Variants in LDLRAD3 observed in about 807,000 individuals in gnomAD.
The protein encoded by LDLRAD3 is low density lipoprotein receptor class A domain containing 3.
Under a neutral mutation model 29.4 loss-of-function variants are expected in LDLRAD3, and 20 were observed. The observed-to-expected ratio is 0.68, with a 90% CI of 0.48 to 0.99. LDLRAD3 has a LOEUF of 0.99. LDLRAD3 is among the 50% of genes least tolerant of loss of function. LDLRAD3 has a pLI of 0.00. For synonymous variants in LDLRAD3, 157 were observed against 192.7 expected (o/e 0.81, Z 1.53); for missense variants, 420 against 454.3 (o/e 0.92, Z 0.69).
intron 4 of LDLRAD3, among the ~76,000 whole-genome samples, chr11:36,174,613 A>C (rs1392492940): frequency 6.6e-6 from 1 of 152,200 alleles, no homozygotes; most frequent in Non-Finnish European, 1.5e-5. Flanking sequence ...CACATGAAAA[A>C]ATGCTTGTCA....
intron 2 of LDLRAD3, among the ~76,000 whole-genome samples, chr11:36,038,244 A>G (rs1852330127): frequency 6.6e-6 from 1 of 152,114 alleles, no homozygotes; most frequent in South Asian, 2.1e-4. Context: ...TGTCTATTTT[A>G]GCTTTTCTCT....
At chr11:36,083,735 TACACACAC>T (rs59333454) in intron 3 of LDLRAD3, among the ~76,000 whole-genome samples, 4,664 of 126,828 alleles carry the variant, frequency 0.037, 106 homozygotes, top group East Asian at 0.12. Context: ...AGGGAGAAAT[TACACACAC>T]ACACACACAC....
chr11:36,203,991 A>AT (rs1412158039), intron 4 of LDLRAD3, among the ~76,000 whole-genome samples: 1 of 141,352 alleles, frequency 7.1e-6, no homozygotes, highest in African/African-American at 2.7e-5. Context: ...TCCAATTCTC[A>AT]TTAAGCACAA....
chr11:36,153,677 C>T (rs1256050579), intron 4 of LDLRAD3, among the ~76,000 whole-genome samples: 3 of 152,130 alleles, frequency 2.0e-5, no homozygotes, highest in Non-Finnish European at 4.4e-5. Flanking sequence ...TGACCCATTT[C>T]CCAAGTGCTC....
intron 4 of LDLRAD3, among the ~76,000 whole-genome samples, chr11:36,188,371 CAAAAAAAA>C (rs57049829): frequency 2.4e-4 from 15 of 62,030 alleles, no homozygotes; most frequent in African/African-American, 6.3e-4. Flanking sequence ...GGAAAACCAG[CAAAAAAAA>C]AAAAAAAAAA....
chr11:36,076,262 ATCCT>A (rs1853000337), intron 2 of LDLRAD3, among the ~76,000 whole-genome samples: 1 of 151,166 alleles, frequency 6.6e-6, no homozygotes, highest in South Asian at 2.1e-4. Context: ...CCATCCATCC[ATCCT>A]GTCTGTCTAA....
intron 1 of LDLRAD3, among the ~76,000 whole-genome samples, chr11:35,999,467 C>G (rs372351733): frequency 5.3e-5 from 8 of 152,288 alleles, no homozygotes; most frequent in African/African-American, 1.9e-4. Flanking sequence ...TCTCCAGAAC[C>G]GAGCCTGCCC....
intron 4 of LDLRAD3, chr11:36,196,552 AGCAGTCT>A (rs1357574389): frequency 1.3e-5 from 2 of 152,240 alleles, no homozygotes; most frequent in Non-Finnish European, 2.9e-5. Context: ...AAATGAATGG[AGCAGTCT>A]GAATTCTTCC....
At chr11:35,976,694 C>G (rs1851480469) in intron 1 of LDLRAD3, among the ~76,000 whole-genome samples, 1 of 151,368 alleles carries the variant, frequency 6.6e-6, no homozygotes. Context: ...CACAAAGTCT[C>G]TTCTCTAGGA....
chr11:36,133,672 C>G (rs1332068427), intron 4 of LDLRAD3, among the ~76,000 whole-genome samples: 1 of 151,078 alleles, frequency 6.6e-6, no homozygotes, highest in Non-Finnish European at 1.5e-5. Flanking sequence ...TAGCTGGGAC[C>G]ACAGGCGCCT....
At chr11:36,064,827 C>G (rs1852765424) in intron 2 of LDLRAD3, among the ~76,000 whole-genome samples, 1 of 152,154 alleles carries the variant, frequency 6.6e-6, no homozygotes, top group Non-Finnish European at 1.5e-5. Context: ...TTGTGAGTTT[C>G]ACAAATTTCC....
At chr11:36,142,594 C>T (rs927561230) in intron 4 of LDLRAD3, among the ~76,000 whole-genome samples, 1 of 152,184 alleles carries the variant, frequency 6.6e-6, no homozygotes, top group African/African-American at 2.4e-5. Flanking sequence ...CCGCCCCCGC[C>T]TCCTGCACTT....
intron 4 of LDLRAD3, among the ~76,000 whole-genome samples, chr11:36,128,009 A>G (rs1407251903): frequency 6.6e-6 from 1 of 151,288 alleles, no homozygotes; most frequent in Non-Finnish European, 1.5e-5. Flanking sequence ...CTCCTGGTGG[A>G]TGTACACCGA....
rs1334123380 is a variant in LDLRAD3 at position 36,231,851 on chromosome 11, T to C, written c.*2454T>C. On this transcript the variant is annotated 3_prime_UTR_variant, in exon 6 of 6. Transcript: ENST00000315571. ...AGCTTTTTTATACATTGCCTAAATC[T>C]ACGCCAACCAGAAAATAGTCTCATC... 7.2e-5 allele frequency: 11 copies of C among 152,210 alleles called. No homozygotes were observed. The highest frequency in any genetic ancestry group is 1.3e-4 in the Non-Finnish European group (9 of 68,036). The allele number at this position is 152,210 out of a possible 1,614,324, so 9.4% of individuals were successfully genotyped here.
At chr11:36,211,748 A>G (rs981846863) in intron 4 of LDLRAD3, among the ~76,000 whole-genome samples, 6 of 152,180 alleles carry the variant, frequency 3.9e-5, no homozygotes, top group African/African-American at 7.2e-5. Flanking sequence ...ATTTGCAACA[A>G]TGGCCTGCCT....
chr11:35,967,082 G>T, intron 1 of LDLRAD3: 1 of 203,962 alleles, frequency 4.9e-6, no homozygotes, highest in Admixed American at 4.8e-5. Context: ...GGCATTTGGT[G>T]TTTTCTGATC....
At chr11:36,000,929 G>A (rs570827094) in intron 1 of LDLRAD3, among the ~76,000 whole-genome samples, 19 of 152,252 alleles carry the variant, frequency 1.2e-4, no homozygotes, top group East Asian at 5.8e-4. Context: ...GCAGAGACAC[G>A]TGGGAAGGAT....
At chr11:35,968,820 T>G (rs903773069) in intron 1 of LDLRAD3, 2 of 152,556 alleles carry the variant, frequency 1.3e-5, no homozygotes, top group Non-Finnish European at 2.9e-5. Context: ...GAGGAGAAAA[T>G]TATTTAACCT....
intron 1 of LDLRAD3, among the ~76,000 whole-genome samples, chr11:35,959,006 C>T (rs1355768999): frequency 6.6e-6 from 1 of 152,210 alleles, no homozygotes; most frequent in African/African-American, 2.4e-5. Flanking sequence ...TCCAGGCTCC[C>T]AGGCCTTGCC....
Sources: gnomAD v4.1 joint callset for allele counts (sites outside exome capture counted in the v4.1 genomes callset) on GRCh38, gnomAD v4.1.1 for gene constraint, MANE v1.5 for transcripts, NCBI Gene and HGNC (gene_info 2026-07-23, HGNC 2026-07-21) for gene names.